ADGRL2: variants seen among roughly 807,000 people sequenced by gnomAD.
The protein encoded by ADGRL2 is adhesion G protein-coupled receptor L2.
ADGRL2 carries 44 observed loss-of-function variants against 157.4 expected under a neutral mutation model. The ratio of observed to expected loss-of-function variants is 0.28; its 90% CI spans 0.22 to 0.36. The LOEUF (loss-of-function observed/expected upper bound fraction) is 0.36. Among genes scored for constraint, ADGRL2 ranks in the 10% least tolerant of loss-of-function variants. ADGRL2 has a pLI of 1.00. For missense variants in ADGRL2, 1,510 were observed against 1,768.9 expected, an observed-to-expected ratio of 0.85 and a Z score of 2.63; for synonymous variants, 585 against 624.7, an observed-to-expected ratio of 0.94 and a Z score of 0.95.
chr1:81,366,238 A>C (rs534802839), intron 1 of ADGRL2, among the ~76,000 whole-genome samples: 35 of 152,198 alleles, frequency 2.3e-4, no homozygotes, highest in African/African-American at 7.9e-4. Flanking sequence ...AGGCACTTCC[A>C]TCACTTCATG....
At chr1:81,930,626 C>T (rs2095210470) in intron 3 of ADGRL2, among the ~76,000 whole-genome samples, 1 of 152,074 alleles carries the variant, frequency 6.6e-6, no homozygotes, top group Non-Finnish European at 1.5e-5. Flanking sequence ...GCAATATCAC[C>T]AACTTTAAAT....
intron 17 of ADGRL2, among the ~76,000 whole-genome samples, chr1:81,974,024 G>A (rs1659506242): frequency 6.6e-6 from 1 of 152,030 alleles, no homozygotes. Context: ...AGATTGTATT[G>A]TATACTATCC....
chr1:81,686,894 A>G (rs966417795), intron 3 of ADGRL2, among the ~76,000 whole-genome samples: 8 of 152,098 alleles, frequency 5.3e-5, no homozygotes, highest in African/African-American at 1.7e-4. Flanking sequence ...TTTTGACCCA[A>G]GATCATTCAG....
intron 22 of ADGRL2, chr1:81,987,237 A>G: frequency 6.8e-7 from 1 of 1,464,116 alleles, no homozygotes; most frequent in South Asian, 1.2e-5. Context: ...TATTTACAAT[A>G]ATGATCCATG....
chr1:81,889,002 C>T (rs2094197936), intron 2 of ADGRL2, among the ~76,000 whole-genome samples: 1 of 152,060 alleles, frequency 6.6e-6, no homozygotes, highest in African/African-American at 2.4e-5. Context: ...AGACGATGAA[C>T]TTAAGGAATA....
chr1:81,366,965 T>C (rs777496878), intron 1 of ADGRL2, among the ~76,000 whole-genome samples: 3 of 152,220 alleles, frequency 2.0e-5, no homozygotes, highest in Non-Finnish European at 4.4e-5. Flanking sequence ...ATGATCTTAA[T>C]CACCCTCTGA....
At chr1:81,976,092 A>C (rs1338989195) in intron 17 of ADGRL2, among the ~76,000 whole-genome samples, 1 of 152,002 alleles carries the variant, frequency 6.6e-6, no homozygotes, top group Non-Finnish European at 1.5e-5. Context: ...ATTCCAGAAG[A>C]TATTTTATTG....
chr1:81,695,070 A>T (rs1229636663), upstream of ADGRL2, among the ~76,000 whole-genome samples: 1 of 152,030 alleles, frequency 6.6e-6, no homozygotes, highest in Non-Finnish European at 1.5e-5. Context: ...TTTCCTATTA[A>T]TTCTTTGGTT....
At chr1:81,746,554 T>C (rs976041402) in intron 1 of ADGRL2, among the ~76,000 whole-genome samples, 2 of 152,102 alleles carry the variant, frequency 1.3e-5, no homozygotes, top group Non-Finnish European at 2.9e-5. Flanking sequence ...CCTCCCAAAG[T>C]ACTAGGATTA....
At chr1:81,880,005 C>T (rs530698856) in intron 2 of ADGRL2, among the ~76,000 whole-genome samples, 2 of 152,016 alleles carry the variant, frequency 1.3e-5, no homozygotes, top group South Asian at 2.1e-4. Flanking sequence ...CCAATCTAGG[C>T]GATAGAGTGA....
intron 2 of ADGRL2, among the ~76,000 whole-genome samples, chr1:81,570,640 C>T (rs539177779): frequency 3.9e-4 from 59 of 152,250 alleles, no homozygotes; most frequent in African/African-American, 1.3e-3. Flanking sequence ...CTTCCTGCTT[C>T]GGCCTCCCAA....
intron 2 of ADGRL2, among the ~76,000 whole-genome samples, chr1:81,543,396 G>C (rs1052199087): frequency 3.3e-5 from 5 of 152,188 alleles, no homozygotes; most frequent in South Asian, 2.1e-4. Flanking sequence ...CCAGACACCA[G>C]ATCTGCTGGC....
intron 22 of ADGRL2, 106 bp from the exon 23 acceptor site, chr1:81,987,761 AAC>A: frequency 4.3e-6 from 1 of 234,862 alleles, no homozygotes; most frequent in Non-Finnish European, 9.1e-6. Context: ...CACTAAATTA[AAC>A]ACAGAACTTG....
intron 1 of ADGRL2, among the ~76,000 whole-genome samples, chr1:81,436,685 A>G (rs527674297): frequency 6.6e-6 from 1 of 152,344 alleles, no homozygotes; most frequent in African/African-American, 2.4e-5. Flanking sequence ...TTCCACTTCT[A>G]GTTCCTTTAT....
intron 1 of ADGRL2, among the ~76,000 whole-genome samples, chr1:81,410,192 C>T (rs901096706): frequency 6.6e-6 from 1 of 152,138 alleles, no homozygotes. Context: ...TTATACGATG[C>T]TTCAATTAGC....
chr1:81,909,893 A>G (rs1482793651), intron 3 of ADGRL2, among the ~76,000 whole-genome samples: 1 of 152,070 alleles, frequency 6.6e-6, no homozygotes, highest in African/African-American at 2.4e-5. Flanking sequence ...GAGGTACTGT[A>G]GTTTGTATTA....
intron 1 of ADGRL2, chr1:81,445,000 A>G (rs146188362): frequency 1.6e-4 from 25 of 152,274 alleles, no homozygotes; most frequent in African/African-American, 5.5e-4. Context: ...TGAACTGTGG[A>G]TTTGTTTGTC....
Position 81,679,621 on chromosome 1 carries a change from T to C in ADGRL2, c.-142-82190T>C, listed in dbSNP as rs2083067405. On this transcript the variant is annotated intron_variant, in intron 3 of 24. Transcript: ENST00000370721. Reference sequence around the variant, plus strand: ...GCAAATCCAGGAGGCCCTGGAACCTTAGCCTAGTGTCTCAACCTTTGCTAT... The same window carrying C: ...GCAAATCCAGGAGGCCCTGGAACCTCAGCCTAGTGTCTCAACCTTTGCTAT... Among the ~76,000 whole-genome samples the C allele has an allele frequency of 2.0e-5, 3 of 152,328 alleles. No individual in the cohort carries two copies. In the South Asian group the frequency reaches 6.2e-4, roughly 32 times the overall value.
At chr1:81,577,509 C>T (rs573281070) in intron 2 of ADGRL2, among the ~76,000 whole-genome samples, 1 of 152,268 alleles carries the variant, frequency 6.6e-6, no homozygotes, top group Non-Finnish European at 1.5e-5. Flanking sequence ...ATCAACCAGA[C>T]TCAGCTCTGT....
Sources: allele counts gnomAD v4.1 joint callset (sites outside exome capture counted in the v4.1 genomes callset), GRCh38; gene constraint gnomAD v4.1.1; transcripts MANE v1.5; gene names NCBI Gene and HGNC (gene_info 2026-07-23, HGNC 2026-07-21).